The following SNF8 variants were observed in gnomAD, a reference collection of about 807,000 sequenced individuals.
SNF8 encodes the protein SNF8 subunit of ESCRT-II, also known as vacuolar-sorting protein SNF8.
Under a neutral mutation model 36.8 loss-of-function variants are expected in SNF8, and 19 were observed. That is an observed-to-expected ratio of 0.52 (90% CI 0.36 to 0.76). The LOEUF (loss-of-function observed/expected upper bound fraction) is 0.76. Ranked by LOEUF, SNF8 falls within the 30% of genes least tolerant of loss-of-function variation. The pLI, the probability that SNF8 is intolerant of heterozygous loss-of-function variation, is 0.00. For missense variants in SNF8, 268 were observed against 322.9 expected (o/e 0.83, Z 1.30); for synonymous variants, 127 against 127.4 (o/e 1.00, Z 0.02).
In SNF8 at chr17:48,933,332, C is replaced by G. The variant is rs2040887381; in HGVS notation, c.437G>C (p.Arg146Thr). 6.2e-7 allele frequency: 1 copy of G among 1,614,080 alleles called. No individual in the cohort carries two copies. The highest frequency in any genetic ancestry group is 8.5e-7 in the Non-Finnish European group (1 of 1,180,046). Residue 146 changes from arginine to threonine, a missense_variant, in exon 6 of 8, where the codon AGA becomes ACA. Physicochemically the swap from Arg to Thr is moderately conservative, Grantham distance 71 (BLOSUM62 -1). Transcript: ENST00000502492. The stretch of plus-strand genomic sequence containing the variant: ...AAGTGCCTTTAGTTTCTTGATGGCT[C>G]TGATCAGGTCATCTCTGAGGTAAGG... ...AQDVSQDDLI[R>T]AIKKLKALGT... is the part of the protein sequence containing the mutation.
Position 48,944,731 on chromosome 17 carries a change from G to A in SNF8, c.4C>T (p.His2Tyr). 6 of 1,608,918 alleles carry A rather than the reference G, an allele frequency of 3.7e-6. No homozygotes were observed. The highest frequency in any genetic ancestry group is 5.1e-6 in the Non-Finnish European group (6 of 1,178,464). Reference protein sequence around the residue: MHRRGVGAGAIA... With the variant: MYRRGVGAGAIA... ...GCGCCAGCTCCCACCCCGCGGCGGT[G>A]CATCCCCACCCTGGGCCCGCGGGCC... is the stretch of plus-strand genomic sequence containing the variant. The change falls in exon 1 of 8, where the codon CAC becomes TAC. Residue 2 changes from histidine (H) to tyrosine (Y), a missense_variant. His to Tyr is a moderately conservative substitution (Grantham distance 83). Coordinates refer to ENST00000502492, the MANE Select transcript of SNF8 (RefSeq NM_007241.4).
In SNF8 at chr17:48,930,592, C is replaced by T. The variant is rs776913860; in HGVS notation, c.660G>A (p.Gly220=). The part of the protein sequence containing the change: ...RQVLEHLLKE[G]LAWLDLQAPG... ...GGGCCTGTAAGTCCAGCCACGCCAA[C>T]CCTTCCTTCAGCAGGTGTTCCTGGA... is the stretch of plus-strand genomic sequence containing the variant. The change falls in exon 8 of 8, where the codon GGG becomes GGA. Residue 220 remains glycine, a synonymous_variant. Transcript: ENST00000502492. 45 of 1,613,730 alleles carry T rather than the reference C, an allele frequency of 2.8e-5. 1 individual carries two copies. Among genetic ancestry groups the T allele is most frequent in the Non-Finnish European group, 3.6e-5 (43 of 1,179,896 alleles).
intron 4 of SNF8, chr17:48,936,812 A>G: frequency 5.0e-6 from 3 of 596,862 alleles, no homozygotes; most frequent in Non-Finnish European, 8.9e-6. Context: ...CTGGCCAAAG[A>G]TCTTTGGAGA....
Position 48,930,416 on chromosome 17 carries a change from G to A in SNF8, c.*59C>T. ...TTTTTTGTATAAACAAAATTGCCCA[G>A]GTTTATTTGCCACCTCCGCCTCCTC... On this transcript the variant is annotated 3_prime_UTR_variant, in exon 8 of 8. Transcript: ENST00000502492. 7.0e-7 allele frequency: 1 copy of A among 1,422,120 alleles called. No individual in the cohort carries two copies. Among genetic ancestry groups the A allele is most frequent in the South Asian group, 1.6e-5 (1 of 62,996 alleles). The allele number at this position is 1,422,120 out of a possible 1,614,324, so 88.1% of individuals were successfully genotyped here.
In SNF8 at chr17:48,930,529, A is replaced by G. The variant is rs546098742; in HGVS notation, c.723T>C (p.Thr241=). 2.4e-5 allele frequency: 39 copies of G among 1,612,852 alleles called. No homozygotes were observed. The South Asian group carries it at 3.6e-4, about 15-fold the overall frequency. Residue 241 remains threonine (T), a synonymous_variant, in exon 8 of 8, where the codon ACT becomes ACC. Coordinates refer to ENST00000502492, the MANE Select transcript of SNF8 (RefSeq NM_007241.4). ...EAHYWLPALF[T]DLYSQEITAE... ...CTGTAATCTCCTGGGAGTAGAGGTC[A>G]GTGAAGAGAGCTGGCAGCCAGTAGT...
intron 3 of SNF8, among the ~76,000 whole-genome samples, chr17:48,937,927 AAAAAATAAATAAAT>A (rs1042232481): frequency 5.3e-4 from 63 of 119,284 alleles, no homozygotes; most frequent in African/African-American, 1.7e-3. Context: ...TCCGTTTCAA[AAAAAATAAATAAAT>A]AAAAATAAAT....
At chr17:48,940,191 C>G (rs1297524795) in intron 3 of SNF8, among the ~76,000 whole-genome samples, 3 of 151,736 alleles carry the variant, frequency 2.0e-5, no homozygotes, top group African/African-American at 4.8e-5. Flanking sequence ...TAGACACATG[C>G]CACCACACCT....
chr17:48,943,540 G>A (rs1187997466), intron 2 of SNF8, among the ~76,000 whole-genome samples: 1 of 152,062 alleles, frequency 6.6e-6, no homozygotes, highest in Admixed American at 6.6e-5. Flanking sequence ...CCCAGGAAAC[G>A]GAGGCTGCAG....
chr17:48,935,196 C>T (rs1411893949), intron 5 of SNF8, among the ~76,000 whole-genome samples: 1 of 151,968 alleles, frequency 6.6e-6, no homozygotes, highest in Non-Finnish European at 1.5e-5. Flanking sequence ...CAACGTGAAA[C>T]CCCATCACTA....
rs765356067 is a variant in SNF8, at chr17:48,930,626, GGAA to G, written c.640-17_640-15del. 27 of 1,611,792 alleles carry G rather than the reference GGAA, an allele frequency of 1.7e-5. No individual in the cohort carries two copies. In the East Asian group the frequency reaches 4.2e-4, roughly 25 times the overall value. On this transcript the variant is annotated splice_polypyrimidine_tract_variant and intron_variant, in intron 7 of 7. Transcript: ENST00000502492. ...CAGCAGGTGTTCCTGGAGGGAAAAG[GGAA>G]GAAGAGCAGTTTGAGAACAGGGAGG...
At chr17:48,935,078 T>C (rs1205199073) in intron 5 of SNF8, among the ~76,000 whole-genome samples, 1 of 152,108 alleles carries the variant, frequency 6.6e-6, no homozygotes, top group African/African-American at 2.4e-5. Context: ...CTCACGACTA[T>C]ATACAGCCCT....
chr17:48,933,315 T>C lies in SNF8; in HGVS notation c.454A>G (p.Lys152Glu), dbSNP rs1284780507. 1 of 1,614,162 alleles carries C rather than the reference T, an allele frequency of 6.2e-7. No homozygotes were observed. The highest frequency in any genetic ancestry group is 8.5e-7 in the Non-Finnish European group (1 of 1,180,030). Residue 152 changes from lysine (K) to glutamate (E), a missense_variant, in exon 6 of 8, where the codon AAG (lysine) becomes GAG (glutamate). Physicochemically the swap from Lys to Glu is moderately conservative, Grantham distance 56. Coordinates refer to ENST00000502492, the MANE Select transcript of SNF8 (RefSeq NM_007241.4). ...ATGCCGAAGCCAGTGCCAAGTGCCT[T>C]TAGTTTCTTGATGGCTCTGATCAGG... ...DDLIRAIKKL[K>E]ALGTGFGIIP...
intron 3 of SNF8, among the ~76,000 whole-genome samples, chr17:48,940,072 C>CAAAA (rs34067220): frequency 1.1e-4 from 10 of 91,290 alleles, no homozygotes; most frequent in Non-Finnish European, 1.9e-4. Context: ...AAGACTGTCT[C>CAAAA]AAAAAAAAAA....
chr17:48,930,755 C>T, intron 7 of SNF8, 143 bp from the exon 8 acceptor site: 1 of 828,494 alleles, frequency 1.2e-6, no homozygotes, highest in South Asian at 2.0e-5. Context: ...TTTACACAAC[C>T]AACTAAACGA....
At chr17:48,941,822 T>C (rs1286995621) in intron 2 of SNF8, among the ~76,000 whole-genome samples, 1 of 151,900 alleles carries the variant, frequency 6.6e-6, no homozygotes, top group Non-Finnish European at 1.5e-5. Flanking sequence ...TCCCGACTAG[T>C]TGGGACGACA....
intron 1 of SNF8, among the ~76,000 whole-genome samples, chr17:48,944,424 G>A (rs1408066983): frequency 1.3e-5 from 2 of 152,262 alleles, no homozygotes; most frequent in Admixed American, 6.5e-5. Flanking sequence ...GAAGGATAGG[G>A]TGAAGGAGTA....
rs758133227 is a variant in SNF8 at position 48,930,429 on chromosome 17, C to T, written c.*46G>A. On this transcript the variant is annotated 3_prime_UTR_variant, in exon 8 of 8. Transcript: ENST00000502492. ...CAAAATTGCCCAGGTTTATTTGCCA[C>T]CTCCGCCTCCTCCCTGCCTGCTGCT... 2 of 1,460,074 alleles carry T rather than the reference C, an allele frequency of 1.4e-6. No homozygotes were observed. The highest frequency in any genetic ancestry group is 1.4e-5 in the South Asian group (1 of 69,528). 90.4% of individuals were successfully genotyped at this position (1,460,074 alleles called of 1,614,324 possible).
At chr17:48,944,097 A>G in intron 1 of SNF8, 122 bp from the exon 2 acceptor site, 1 of 841,708 alleles carries the variant, frequency 1.2e-6, no homozygotes, top group Non-Finnish European at 2.0e-6. Context: ...AGGTCAGGAG[A>G]TCGAGCCATC....
chr17:48,935,469 C>T (rs918540800), intron 5 of SNF8, among the ~76,000 whole-genome samples: 13 of 148,322 alleles, frequency 8.8e-5, no homozygotes, highest in East Asian at 4.0e-4. Flanking sequence ...GCAGAGATCA[C>T]GCCACTGCAC....
Sources: gnomAD v4.1 joint callset for allele counts (sites outside exome capture counted in the v4.1 genomes callset) on GRCh38, gnomAD v4.1.1 for gene constraint, MANE v1.5 for transcripts, NCBI Gene and HGNC (gene_info 2026-07-23, HGNC 2026-07-21) for gene names.